The following SLC25A37 variants were observed in gnomAD, a reference collection of about 807,000 sequenced individuals.
SLC25A37 encodes mitoferrin-1.
In SLC25A37, 17 loss-of-function variants were observed where a neutral mutation model predicts 31.0. The ratio of observed to expected loss-of-function variants is 0.55; its 90% confidence interval spans 0.38 to 0.82. The LOEUF (loss-of-function observed/expected upper bound fraction) is 0.82. SLC25A37 is among the 40% of genes least tolerant of loss of function. The pLI, the probability that SLC25A37 is intolerant of heterozygous loss-of-function variation, is 0.00. For synonymous variants in SLC25A37, 222 were observed against 193.0 expected (o/e 1.15, Z -1.24); for missense variants, 404 against 465.8 (o/e 0.87, Z 1.22).
intron 1 of SLC25A37, among the ~76,000 whole-genome samples, chr8:23,532,338 C>T (rs1235587253): frequency 1.3e-5 from 2 of 152,182 alleles, no homozygotes; most frequent in Non-Finnish European, 2.9e-5. Context: ...AGGGCTCTCA[C>T]CAAATGGTGG....
intron 1 of SLC25A37, among the ~76,000 whole-genome samples, chr8:23,542,184 G>T (rs2117397824): frequency 6.6e-6 from 1 of 152,184 alleles, no homozygotes; most frequent in Admixed American, 6.5e-5. Context: ...TATTACCTAG[G>T]GGCATCACAA....
At chr8:23,569,952 T>G (rs1243184017) in intron 3 of SLC25A37, among the ~76,000 whole-genome samples, 2 of 152,208 alleles carry the variant, frequency 1.3e-5, no homozygotes, top group South Asian at 2.1e-4. Flanking sequence ...ACATTTTAAG[T>G]CTCATGCTAT....
At chr8:23,558,212 A>C (rs549126920) in intron 1 of SLC25A37, among the ~76,000 whole-genome samples, 12 of 152,352 alleles carry the variant, frequency 7.9e-5, no homozygotes, top group African/African-American at 2.6e-4. Context: ...CAGGTCAGGC[A>C]GGGAGTCAGT....
chr8:23,558,114 C>G (rs1802416144), intron 1 of SLC25A37, among the ~76,000 whole-genome samples: 2 of 152,210 alleles, frequency 1.3e-5, no homozygotes, highest in African/African-American at 4.8e-5. Context: ...TGATCGTCTC[C>G]TCAGTCCTAG....
chr8:23,559,777 C>T (rs1277689102), intron 1 of SLC25A37, among the ~76,000 whole-genome samples: 2 of 152,216 alleles, frequency 1.3e-5, no homozygotes, highest in South Asian at 2.1e-4. Flanking sequence ...TGGCTCCTTT[C>T]ACTTAGCATG....
chr8:23,551,555 GACGTCTTT>G (rs1241371034), intron 1 of SLC25A37, among the ~76,000 whole-genome samples: 11 of 151,848 alleles, frequency 7.2e-5, no homozygotes, highest in Admixed American at 5.9e-4. Context: ...TGCTAAGAAT[GACGTCTTT>G]TTTGCTGTTT....
intron 1 of SLC25A37, among the ~76,000 whole-genome samples, chr8:23,558,819 G>A (rs1182944206): frequency 6.6e-6 from 1 of 152,106 alleles, no homozygotes; most frequent in East Asian, 1.9e-4. Flanking sequence ...CATCCTGCAG[G>A]CAGGTGCAGA....
At chr8:23,545,185 GC>G (rs1802002793) in intron 1 of SLC25A37, among the ~76,000 whole-genome samples, 1 of 152,206 alleles carries the variant, frequency 6.6e-6, no homozygotes, top group Non-Finnish European at 1.5e-5. Context: ...CGACAACTGT[GC>G]CTTCCAAAGG....
At position 23,529,238 on chromosome 8, in the gene SLC25A37, C is replaced by G. The variant is rs759256505; in HGVS notation, c.210+26C>G. The G allele has an allele frequency of 5.5e-5, 87 of 1,591,708 alleles. No individual in the cohort carries two copies. Among genetic ancestry groups the G allele is most frequent in the South Asian group, 2.1e-4 (19 of 88,644 alleles). On this transcript the variant is annotated intron_variant, in intron 1 of 3. Coordinates refer to ENST00000519973, the MANE Select transcript of SLC25A37 (RefSeq NM_016612.4). The surrounding 1 kb of genome is among the most constrained non-coding windows in gnomAD (Gnocchi z 4.1). ...GTGAGGCGCGGGGAGACTTCGGGGA[C>G]GCAACGAGCGGAGAAGGAGCGCGCG... is the stretch of plus-strand genomic sequence containing the variant.
intron 1 of SLC25A37, among the ~76,000 whole-genome samples, chr8:23,542,621 C>G (rs1401350038): frequency 6.6e-6 from 1 of 151,616 alleles, no homozygotes; most frequent in Non-Finnish European, 1.5e-5. Flanking sequence ...TCAGGTGACC[C>G]GCCCTCCTCA....
At chr8:23,557,083 T>G (rs1802387234) in intron 1 of SLC25A37, among the ~76,000 whole-genome samples, 1 of 151,948 alleles carries the variant, frequency 6.6e-6, no homozygotes, top group African/African-American at 2.4e-5. Flanking sequence ...ACCCCTGACC[T>G]CAGGTAATCT....
intron 1 of SLC25A37, among the ~76,000 whole-genome samples, chr8:23,547,265 A>G (rs2280862): frequency 0.024 from 3,670 of 152,302 alleles, 52 homozygotes; most frequent in East Asian, 0.072. Flanking sequence ...TTGTCAATCC[A>G]GAACCAACCA....
rs1259783019 is a variant in SLC25A37, at chr8:23,571,305, G to A, written c.497-30G>A. The A allele has an allele frequency of 2.0e-6, 3 of 1,510,936 alleles. No individual in the cohort carries two copies. In the South Asian group the frequency reaches 3.9e-5, roughly 20 times the overall value. The allele number at this position is 1,510,936 out of a possible 1,614,324, so 93.6% of individuals were successfully genotyped here. A position where few individuals can be genotyped will look rare whatever the true frequency, so the allele number is the denominator to read the frequency against. The stretch of plus-strand genomic sequence containing the variant: ...CCAACCCACTGCCCACTGGCTGTCC[G>A]TCTGGCCTGCCCCGCGGTTCCAACC... On this transcript the variant is annotated intron_variant, in intron 3 of 3. Coordinates refer to ENST00000519973, the MANE Select transcript of SLC25A37 (RefSeq NM_016612.4).
intron 1 of SLC25A37, among the ~76,000 whole-genome samples, chr8:23,548,242 G>A (rs969236780): frequency 5.3e-5 from 8 of 151,908 alleles, no homozygotes; most frequent in Non-Finnish European, 1.0e-4. Flanking sequence ...GCAGTGGCGC[G>A]ATCTCGGTTC....
chr8:23,554,940 T>C (rs868376836), intron 1 of SLC25A37, among the ~76,000 whole-genome samples: 6 of 152,330 alleles, frequency 3.9e-5, no homozygotes, highest in Middle Eastern at 3.4e-3. Context: ...GTGCGATTCA[T>C]AGCCATGGAA....
intron 1 of SLC25A37, among the ~76,000 whole-genome samples, chr8:23,536,674 G>A (rs1801776052): frequency 1.3e-5 from 2 of 152,166 alleles, no homozygotes; most frequent in South Asian, 4.1e-4. Context: ...GGCCAGAATG[G>A]TGGTCCTGGC....
At chr8:23,532,700 G>A (rs924215110) in intron 1 of SLC25A37, among the ~76,000 whole-genome samples, 16 of 152,182 alleles carry the variant, frequency 1.1e-4, no homozygotes, top group African/African-American at 3.6e-4. Flanking sequence ...TCCTTCCCAG[G>A]TTGGTGCACC....
chr8:23,533,533 C>A lies in SLC25A37; in HGVS notation c.210+4321C>A, dbSNP rs114443627. On this transcript the variant is annotated intron_variant, in intron 1 of 3. Transcript: ENST00000519973. ...TTTTGTCCTGTCTTGCAGCAGTGACCAGTCTTGGGGAATCAGTTCCACTTT... is the reference window on the plus strand; with the variant it reads ...TTTTGTCCTGTCTTGCAGCAGTGACAAGTCTTGGGGAATCAGTTCCACTTT... 7.1e-3 allele frequency among the ~76,000 whole-genome samples: 1,084 copies of A among 152,244 alleles called. 16 individuals carry two copies. Among genetic ancestry groups the A allele is most frequent in the African/African-American group, 0.024 (1,006 of 41,534 alleles).
intron 1 of SLC25A37, among the ~76,000 whole-genome samples, chr8:23,532,194 T>C (rs951722563): frequency 6.6e-6 from 1 of 152,182 alleles, no homozygotes; most frequent in Non-Finnish European, 1.5e-5. Flanking sequence ...TCTTCTTCTT[T>C]CCCTTGGTCC....
Sources: allele counts gnomAD v4.1 joint callset (sites outside exome capture counted in the v4.1 genomes callset), GRCh38; gene constraint gnomAD v4.1.1; non-coding constraint Gnocchi (gnomAD v3.1); transcripts MANE v1.5; gene names NCBI Gene and HGNC (gene_info 2026-07-23, HGNC 2026-07-21).